FAM120A: variants seen among roughly 807,000 people sequenced by gnomAD.
FAM120A encodes the protein constitutive coactivator of PPAR-gamma-like protein 1.
Under a neutral mutation model 109.7 loss-of-function variants are expected in FAM120A, and 15 were observed. The ratio of observed to expected loss-of-function variants is 0.14; its 90% CI spans 0.09 to 0.21. The LOEUF is 0.21. FAM120A is among the 10% of genes least tolerant of loss of function. FAM120A has a pLI of 1.00. For missense variants in FAM120A, 899 were observed against 1,439.3 expected (o/e 0.62, Z 6.07); for synonymous variants, 493 against 572.8 (o/e 0.86, Z 1.99).
chr9:93,544,455 C>T (rs10821158), intron 11 of FAM120A, among the ~76,000 whole-genome samples: 42,519 of 152,040 alleles, frequency 0.28, 7,007 homozygotes, highest in East Asian at 0.42. Flanking sequence ...ATACTGTTGA[C>T]GTTTTGAAGT....
At chr9:93,511,072 C>T (rs1454047203) in intron 5 of FAM120A, among the ~76,000 whole-genome samples, 2 of 151,422 alleles carry the variant, frequency 1.3e-5, no homozygotes, top group Admixed American at 6.6e-5. Context: ...GAACTGCTCT[C>T]ATTCTTAGAA....
At chr9:93,524,722 G>A (rs1860995598) in intron 7 of FAM120A, among the ~76,000 whole-genome samples, 2 of 152,214 alleles carry the variant, frequency 1.3e-5, no homozygotes, top group African/African-American at 4.8e-5. Context: ...ATTTGTGACT[G>A]TGGGTAGATT....
chr9:93,520,002 C>T (rs753554365), intron 7 of FAM120A, among the ~76,000 whole-genome samples: 38 of 152,014 alleles, frequency 2.5e-4, no homozygotes, highest in African/African-American at 6.3e-4. Context: ...TAGCATGTTC[C>T]ACCTGAGACG....
intron 5 of FAM120A, among the ~76,000 whole-genome samples, chr9:93,510,028 CGTT>C (rs1860239419): frequency 6.6e-6 from 1 of 152,114 alleles, no homozygotes; most frequent in Admixed American, 6.5e-5. Context: ...ATGCAGATGA[CGTT>C]GATGTTAAGC....
intron 1 of FAM120A, among the ~76,000 whole-genome samples, chr9:93,461,139 T>G (rs531107296): frequency 2.0e-5 from 3 of 152,326 alleles, no homozygotes; most frequent in South Asian, 2.1e-4. Context: ...GGTACTTTTA[T>G]GCGCCAGTCA....
At position 93,471,838 on chromosome 9, in the gene FAM120A, G is replaced by A. The variant is rs533135740; in HGVS notation, c.721+451G>A. Among the ~76,000 whole-genome samples the A allele has an allele frequency of 3.3e-5, 5 of 152,268 alleles. No homozygotes were observed. The South Asian group carries it at 6.2e-4, about 19-fold the overall frequency. On this transcript the variant is annotated intron_variant, in intron 2 of 17. Transcript: ENST00000277165. Reference sequence around the variant, plus strand: ...AAAAGAGAAACAAAAATAAGCTATCGTAGCTTGTTTCCAACACCTACATTT... The same window carrying A: ...AAAAGAGAAACAAAAATAAGCTATCATAGCTTGTTTCCAACACCTACATTT...
chr9:93,506,619 A>T (rs182532102), intron 5 of FAM120A, among the ~76,000 whole-genome samples: 3 of 150,264 alleles, frequency 2.0e-5, no homozygotes, highest in South Asian at 4.2e-4. Context: ...TGTTTTCAAG[A>T]TGGAGTCTCG....
At chr9:93,524,593 T>G (rs1391561111) in intron 7 of FAM120A, among the ~76,000 whole-genome samples, 1 of 152,216 alleles carries the variant, frequency 6.6e-6, no homozygotes, top group Non-Finnish European at 1.5e-5. Context: ...CCCTTTCTGT[T>G]GCTTGTGTGC....
rs1335550968 is a variant in FAM120A, at chr9:93,452,543, A to G, written c.474+154A>G. 5 of 1,575,850 alleles carry G rather than the reference A, an allele frequency of 3.2e-6. No individual in the cohort carries two copies. In the South Asian group the frequency reaches 4.5e-5, roughly 14 times the overall value. On this transcript the variant is annotated intron_variant, in intron 1 of 17. Coordinates refer to ENST00000277165, the MANE Select transcript of FAM120A (RefSeq NM_014612.5). The surrounding 1 kb of genome is among the most constrained non-coding windows in gnomAD (Gnocchi z 7.0). ...GGATAGCCTGGCCGGGCCGGGCTGC[A>G]AGATGGATGGCCGCGGGTGCAGGCC...
At chr9:93,457,945 T>A (rs1304834302) in intron 1 of FAM120A, among the ~76,000 whole-genome samples, 1 of 152,106 alleles carries the variant, frequency 6.6e-6, no homozygotes, top group East Asian at 1.9e-4. Flanking sequence ...AATGCCACAA[T>A]CCTCTTGGCC....
intron 3 of FAM120A, among the ~76,000 whole-genome samples, chr9:93,490,235 G>A (rs1314889825): frequency 2.6e-5 from 4 of 152,306 alleles, no homozygotes; most frequent in African/African-American, 9.6e-5. Flanking sequence ...TTCAGCAATG[G>A]TACTTTGTGA....
intron 5 of FAM120A, among the ~76,000 whole-genome samples, chr9:93,505,789 TAAAG>T (rs949189080): frequency 6.6e-6 from 1 of 152,242 alleles, no homozygotes; most frequent in African/African-American, 2.4e-5. Context: ...AAAGAAAACA[TAAAG>T]GAAGAATTCC....
intron 10 of FAM120A, among the ~76,000 whole-genome samples, chr9:93,540,309 G>A (rs1042262698): frequency 2.0e-5 from 3 of 152,232 alleles, no homozygotes; most frequent in Non-Finnish European, 4.4e-5. Context: ...TTAGAGATGA[G>A]CGCCTTTGCT....
Position 93,532,432 on chromosome 9 carries a change from G to A in FAM120A, c.1909+103G>A. 1 of 1,361,416 alleles carries A rather than the reference G, an allele frequency of 7.3e-7. No homozygotes were observed. Among genetic ancestry groups the A allele is most frequent in the Non-Finnish European group, 1.0e-6 (1 of 958,798 alleles). 84.3% of individuals were successfully genotyped at this position (1,361,416 alleles called of 1,614,324 possible). A position where few individuals can be genotyped will look rare whatever the true frequency, so the allele number is the denominator to read the frequency against. On this transcript the variant is annotated intron_variant, in intron 10 of 17. Transcript: ENST00000277165. This position sits in a 1 kb window ranked among gnomAD's most constrained non-coding sequence, Gnocchi z 4.3. ...AATCATGACTGAGTTGACCCCGAGTGCCTCTGTGTAAAGGAGGTGGGCCCA... is the reference window on the plus strand; with the variant it reads ...AATCATGACTGAGTTGACCCCGAGTACCTCTGTGTAAAGGAGGTGGGCCCA...
intron 7 of FAM120A, among the ~76,000 whole-genome samples, chr9:93,517,651 A>G (rs1191440913): frequency 6.6e-6 from 1 of 152,242 alleles, no homozygotes; most frequent in Non-Finnish European, 1.5e-5. Context: ...GTAAGACAAA[A>G]AGCAAAAGAA....
At position 93,451,994 on chromosome 9, in the gene FAM120A, G is replaced by T; in HGVS notation, c.79G>T (p.Ala27Ser). ...AVVPVELQKL[A>S]RGSLVGGGRQ... The stretch of plus-strand genomic sequence containing the variant: ...GGTGCCGGTGGAGCTGCAGAAGCTG[G>T]CCCGGGGCAGCCTGGTGGGCGGCGG... The change falls in exon 1 of 18, where the codon GCC (alanine) becomes TCC (serine). Residue 27 changes from alanine (A) to serine (S), a missense_variant. By Grantham distance (99) the Ala-to-Ser change is moderately conservative. This residue lies in a region of FAM120A where 258 missense variants were observed against 451.4 expected (regional missense o/e 0.57). Coordinates refer to ENST00000277165, the MANE Select transcript of FAM120A (RefSeq NM_014612.5). The T allele has an allele frequency of 6.5e-7, 1 of 1,548,704 alleles. No individual in the cohort carries two copies. Among genetic ancestry groups the T allele is most frequent in the Non-Finnish European group, 8.7e-7 (1 of 1,147,650 alleles).
chr9:93,460,995 C>G (rs906086652), intron 1 of FAM120A, among the ~76,000 whole-genome samples: 2 of 152,186 alleles, frequency 1.3e-5, no homozygotes. Context: ...CCTCTTGTTA[C>G]ACCTGGCTTT....
intron 2 of FAM120A, among the ~76,000 whole-genome samples, chr9:93,475,368 T>G (rs931662282): frequency 6.6e-6 from 1 of 152,228 alleles, no homozygotes; most frequent in African/African-American, 2.4e-5. Flanking sequence ...CATTTTGGAC[T>G]ACGGATGCTC....
chr9:93,473,036 T>TA (rs1258049046), intron 2 of FAM120A, among the ~76,000 whole-genome samples: 68 of 151,644 alleles, frequency 4.5e-4, no homozygotes, highest in Admixed American at 5.9e-4. Context: ...TTTTTTTTTT[T>TA]AAATGGAGTC....
Sources: gnomAD v4.1 joint callset for allele counts (sites outside exome capture counted in the v4.1 genomes callset) on GRCh38, gnomAD v4.1.1 for gene constraint, gnomAD v4.1.1 regional missense constraint, Gnocchi (gnomAD v3.1) non-coding constraint, MANE v1.5 for transcripts, NCBI Gene and HGNC (gene_info 2026-07-23, HGNC 2026-07-21) for gene names.